The following TXNDC16 variants were observed in gnomAD, a reference collection of about 807,000 sequenced individuals.
TXNDC16 encodes thioredoxin domain containing 16.
TXNDC16 carries 74 observed loss-of-function variants against 85.6 expected under a neutral mutation model. The ratio of observed to expected loss-of-function variants is 0.86; its 90% CI spans 0.72 to 1.05. The LOEUF (loss-of-function observed/expected upper bound fraction) is 1.05, where lower values mean the gene tolerates loss of function less well. Among genes scored for constraint, TXNDC16 ranks in the 50% least tolerant of loss-of-function variants. TXNDC16 has a pLI of 0.00. For synonymous variants in TXNDC16, 335 were observed against 326.5 expected (o/e 1.03, Z -0.28); for missense variants, 959 against 947.0 (o/e 1.01, Z -0.17).
At chr14:52,538,965 A>T (rs541507614) in intron 4 of TXNDC16, among the ~76,000 whole-genome samples, 4 of 152,314 alleles carry the variant, frequency 2.6e-5, no homozygotes, top group African/African-American at 4.8e-5. Flanking sequence ...AATTTTAAAA[A>T]TTTTTTAAGT....
intron 14 of TXNDC16, among the ~76,000 whole-genome samples, chr14:52,472,137 A>G (rs2035921193): frequency 1.3e-5 from 2 of 151,240 alleles, no homozygotes; most frequent in Non-Finnish European, 2.9e-5. Flanking sequence ...ATAACTTATC[A>G]CTTTAGATTT....
chr14:52,452,142 C>T (rs767976086), intron 18 of TXNDC16, among the ~76,000 whole-genome samples: 13 of 152,004 alleles, frequency 8.6e-5, no homozygotes, highest in South Asian at 6.2e-4. Flanking sequence ...AAGATCTCTA[C>T]GATGAAAACT....
chr14:52,504,614 A>T lies in TXNDC16; in HGVS notation c.756+6626T>A, dbSNP rs2036746657. Among the ~76,000 whole-genome samples, 7 of 152,364 alleles carry T rather than the reference A, an allele frequency of 4.6e-5. No homozygotes were observed. The South Asian group carries it at 1.4e-3, about 32-fold the overall frequency. ...ACAACCGGTACCAGCCACTGCAAAA[A>T]CATTCCAAATTGTAAAGACCATCAA... On this transcript the variant is annotated intron_variant, in intron 9 of 20. Coordinates refer to ENST00000281741, the MANE Select transcript of TXNDC16 (RefSeq NM_020784.3).
chr14:52,527,584 A>T (rs2037366409), intron 6 of TXNDC16, among the ~76,000 whole-genome samples: 1 of 151,982 alleles, frequency 6.6e-6, no homozygotes, highest in South Asian at 2.1e-4. Context: ...TCCTATATAA[A>T]CTCGGAGATT....
intron 14 of TXNDC16, among the ~76,000 whole-genome samples, 158 bp downstream of exon 14, chr14:52,482,072 A>C (rs1406344164): frequency 6.6e-6 from 1 of 152,170 alleles, no homozygotes; most frequent in Non-Finnish European, 1.5e-5. Flanking sequence ...AATGCTCCTA[A>C]GCACTCTTGA....
At chr14:52,457,298 A>T (rs1480011426) in intron 16 of TXNDC16, 124 bp from the exon 17 acceptor site, 1 of 526,192 alleles carries the variant, frequency 1.9e-6, no homozygotes, top group East Asian at 3.5e-5. Flanking sequence ...ATTTAAGTGC[A>T]GATGTCTTAT....
Position 52,432,113 on chromosome 14 carries a change from T to A in TXNDC16, c.*191A>T, listed in dbSNP as rs2034911622. On this transcript the variant is annotated 3_prime_UTR_variant, in exon 21 of 21. Coordinates refer to ENST00000281741, the MANE Select transcript of TXNDC16 (RefSeq NM_020784.3). Reference sequence around the variant, plus strand: ...ACTGGGTGAAAAGTAATATCAAAATTATTTTGCCCTGCTCACTTTTACTTT... The same window carrying A: ...ACTGGGTGAAAAGTAATATCAAAATAATTTTGCCCTGCTCACTTTTACTTT... 5 of 449,174 alleles carry A rather than the reference T, an allele frequency of 1.1e-5. No individual in the cohort carries two copies. The highest frequency in any genetic ancestry group is 1.5e-5 in the Non-Finnish European group (4 of 266,432). 27.8% of individuals were successfully genotyped at this position (449,174 alleles called of 1,614,324 possible).
intron 7 of TXNDC16, among the ~76,000 whole-genome samples, chr14:52,518,119 T>C (rs769135840): frequency 6.6e-6 from 1 of 152,236 alleles, no homozygotes; most frequent in African/African-American, 2.4e-5. Context: ...ACCACATTCA[T>C]TCTGTCTCCT....
intron 20 of TXNDC16, 54 bp from the exon 21 acceptor site, chr14:52,432,641 T>C: frequency 7.0e-7 from 1 of 1,419,494 alleles, no homozygotes; most frequent in South Asian, 1.5e-5. Context: ...AATCGTCACA[T>C]CAACATATTA....
chr14:52,471,395 G>A (rs1171767126), intron 14 of TXNDC16, among the ~76,000 whole-genome samples: 2 of 152,150 alleles, frequency 1.3e-5, no homozygotes, highest in Non-Finnish European at 2.9e-5. Context: ...TAATGCTAGA[G>A]ATATCTTTTC....
intron 1 of TXNDC16, 68 bp from the exon 2 acceptor site, chr14:52,544,439 A>C (rs1220848776): frequency 6.6e-6 from 1 of 152,192 alleles, no homozygotes; most frequent in South Asian, 2.1e-4. Context: ...TGTAGGTGAA[A>C]ATTTTGTTTC....
intron 6 of TXNDC16, among the ~76,000 whole-genome samples, chr14:52,526,790 G>C (rs1197527071): frequency 6.6e-6 from 1 of 152,218 alleles, no homozygotes; most frequent in African/African-American, 2.4e-5. Context: ...AGAGGGTTAG[G>C]ACTTTCAGCT....
chr14:52,455,245 A>G, intron 18 of TXNDC16, 79 bp downstream of exon 18: 1 of 1,542,204 alleles, frequency 6.5e-7, no homozygotes, highest in Non-Finnish European at 8.8e-7. Flanking sequence ...AAAAATGGAA[A>G]AATGTGTATG....
At chr14:52,550,191 A>G (rs138071392) in intron 1 of TXNDC16, among the ~76,000 whole-genome samples, 1 of 152,228 alleles carries the variant, frequency 6.6e-6, no homozygotes, top group East Asian at 1.9e-4. Flanking sequence ...AATAAATTGT[A>G]GCAACATCTG....
At chr14:52,515,034 T>G (rs1346373665) in intron 7 of TXNDC16, 64 bp from the exon 8 acceptor site, 4 of 1,217,852 alleles carry the variant, frequency 3.3e-6, no homozygotes, top group Admixed American at 2.0e-5. Context: ...CTATGTAAAC[T>G]TCTATTCTGA....
At chr14:52,462,854 T>C (rs1594698427) in intron 16 of TXNDC16, 1 of 442,304 alleles carries the variant, frequency 2.3e-6, no homozygotes, top group East Asian at 7.0e-5. Flanking sequence ...TTGTAGGTAG[T>C]TGTAGCCAGA....
rs201511682 is a variant in TXNDC16 at position 52,470,469 on chromosome 14, G to C, written c.1481+43C>G. On this transcript the variant is annotated intron_variant, in intron 15 of 20. Transcript: ENST00000281741. ...AAGTCTGAGAATTAGAACTTCTAAAGACCTAAACATTCAGAGATCTTATAA... is the reference window on the plus strand; with the variant it reads ...AAGTCTGAGAATTAGAACTTCTAAACACCTAAACATTCAGAGATCTTATAA... 3.6e-5 allele frequency: 57 copies of C among 1,574,296 alleles called. No homozygotes were observed. In the African/African-American group the frequency reaches 7.3e-4, roughly 20 times the overall value.
intron 20 of TXNDC16, among the ~76,000 whole-genome samples, chr14:52,437,514 C>G (rs1469991474): frequency 1.3e-5 from 2 of 152,050 alleles, no homozygotes; most frequent in African/African-American, 4.8e-5. Context: ...TTTCTAAATA[C>G]CCCATAAGCA....
chr14:52,472,532 T>G (rs943113230), intron 14 of TXNDC16, among the ~76,000 whole-genome samples: 1 of 152,172 alleles, frequency 6.6e-6, no homozygotes, highest in African/African-American at 2.4e-5. Flanking sequence ...CCCACTGCCT[T>G]GCACAATGTC....
Sources: gnomAD v4.1 joint callset for allele counts (sites outside exome capture counted in the v4.1 genomes callset) on GRCh38, gnomAD v4.1.1 for gene constraint, MANE v1.5 for transcripts, NCBI Gene and HGNC (gene_info 2026-07-23, HGNC 2026-07-21) for gene names.